Variants in SPATA12 observed in about 807,000 individuals in gnomAD.
SPATA12 encodes the protein spermatogenesis-associated protein 12.
For missense variants in SPATA12, 219 were observed against 226.4 expected, an observed-to-expected ratio of 0.97 and a Z score of 0.21; for synonymous variants, 85 against 89.2, an observed-to-expected ratio of 0.95 and a Z score of 0.26.
At chr3:57,062,554 A>G (rs1460605926) in intron 1 of SPATA12, among the ~76,000 whole-genome samples, 1 of 152,208 alleles carries the variant, frequency 6.6e-6, no homozygotes, top group African/African-American at 2.4e-5. Context: ...CTACAATAGC[A>G]AAAGATTGGA....
chr3:57,068,171 A>ACG (rs1163948548), intron 1 of SPATA12, among the ~76,000 whole-genome samples: 2 of 143,084 alleles, frequency 1.4e-5, no homozygotes, highest in Non-Finnish European at 3.2e-5. Context: ...ACACACATAC[A>ACG]CACACACACA....
chr3:57,067,669 T>C (rs1190864228), intron 1 of SPATA12, among the ~76,000 whole-genome samples: 3 of 149,850 alleles, frequency 2.0e-5, no homozygotes, highest in African/African-American at 7.4e-5. Flanking sequence ...ACCCAGTCTC[T>C]ACAAAAAATT....
chr3:57,066,371 C>T (rs1295407582), intron 1 of SPATA12, among the ~76,000 whole-genome samples: 1 of 152,142 alleles, frequency 6.6e-6, no homozygotes, highest in Non-Finnish European at 1.5e-5. Context: ...AAGCGATTCA[C>T]CTGCCTCAGC....
intron 1 of SPATA12, among the ~76,000 whole-genome samples, chr3:57,071,199 C>T (rs115672657): frequency 6.8e-4 from 104 of 152,182 alleles, no homozygotes; most frequent in Admixed American, 2.6e-3. Flanking sequence ...AGTGTCAAAA[C>T]AATTTAATGG....
chr3:57,073,929 A>C lies in SPATA12; in HGVS notation c.235A>C (p.Ser79Arg), dbSNP rs756539657. The change falls in exon 2 of 2, where the codon AGT becomes CGT. Residue 79 changes from serine (S) to arginine (R), a missense_variant. Coordinates refer to ENST00000334325, the MANE Select transcript of SPATA12 (RefSeq NM_181727.2). Reference sequence around the variant, plus strand: ...GACATTTCAGGGGGATGTGTGCCAAAGTGAGACCTGTCAGAGATATTTACA... The same window carrying C: ...GACATTTCAGGGGGATGTGTGCCAACGTGAGACCTGTCAGAGATATTTACA... ...ELTFQGDVCQSETCQRYLQAA... is the reference protein window; with the variant it reads ...ELTFQGDVCQRETCQRYLQAA... The C allele has an allele frequency of 2.9e-5, 47 of 1,614,076 alleles. No homozygotes were observed. Among genetic ancestry groups the C allele is most frequent in the Non-Finnish European group, 3.5e-5 (41 of 1,180,046 alleles).
chr3:57,072,483 G>A (rs1906503), intron 1 of SPATA12, among the ~76,000 whole-genome samples: 6,360 of 151,226 alleles, frequency 0.042, 432 homozygotes, highest in African/African-American at 0.14. Context: ...GCTCATGTCC[G>A]TAATCCCAGC....
chr3:57,064,982 T>C (rs1443527087), intron 1 of SPATA12, among the ~76,000 whole-genome samples: 1 of 152,230 alleles, frequency 6.6e-6, no homozygotes, highest in Admixed American at 6.5e-5. Flanking sequence ...GGCAAAAAAT[T>C]AGTAAGTCCA....
intron 1 of SPATA12, among the ~76,000 whole-genome samples, chr3:57,072,156 C>T (rs906707930): frequency 6.6e-6 from 1 of 152,150 alleles, no homozygotes; most frequent in East Asian, 1.9e-4. Context: ...CTGGAACCCT[C>T]GTGCACTGCT....
chr3:57,061,165 T>C (rs1579192872), intron 1 of SPATA12, among the ~76,000 whole-genome samples: 1 of 152,202 alleles, frequency 6.6e-6, no homozygotes, highest in East Asian at 1.9e-4. Flanking sequence ...CCCTACTGTA[T>C]TAATACTTCT....
intron 1 of SPATA12, among the ~76,000 whole-genome samples, chr3:57,065,072 G>A (rs1705447960): frequency 6.6e-6 from 1 of 152,190 alleles, no homozygotes. Flanking sequence ...GTGGAGAGAG[G>A]GTTCTGCTGT....
In SPATA12 at chr3:57,075,248, ACT is replaced by A. The variant is rs915811530; in HGVS notation, c.*985_*986del. On this transcript the variant is annotated 3_prime_UTR_variant, in exon 2 of 2. Transcript: ENST00000334325. ...CAGCTTCATCTCCATTACACTGGCC[ACT>A]CTCCCTCACATCTTATTACTGATCT... The A allele has an allele frequency of 6.1e-6, 1 of 162,856 alleles. No individual in the cohort carries two copies. Among genetic ancestry groups the A allele is most frequent in the African/African-American group, 2.5e-5 (1 of 39,998 alleles). 10.1% of individuals were successfully genotyped at this position (162,856 alleles called of 1,614,324 possible).
intron 1 of SPATA12, among the ~76,000 whole-genome samples, chr3:57,066,729 T>C (rs1174170795): frequency 6.6e-6 from 1 of 152,212 alleles, no homozygotes; most frequent in African/African-American, 2.4e-5. Context: ...TTTAAATCAG[T>C]GGACTTAGAG....
At chr3:57,068,780 A>G (rs1184035118) in intron 1 of SPATA12, among the ~76,000 whole-genome samples, 1 of 152,060 alleles carries the variant, frequency 6.6e-6, no homozygotes, top group South Asian at 2.1e-4. Flanking sequence ...GGGTTAGGTT[A>G]TATCATTGTG....
chr3:57,067,026 C>T (rs1410105402), intron 1 of SPATA12, among the ~76,000 whole-genome samples: 1 of 152,192 alleles, frequency 6.6e-6, no homozygotes, highest in East Asian at 1.9e-4. Context: ...AACCCTAATA[C>T]ACACCCAAAA....
intron 1 of SPATA12, among the ~76,000 whole-genome samples, chr3:57,069,410 C>CAT (rs1223132274): frequency 6.7e-6 from 1 of 148,922 alleles, no homozygotes; most frequent in East Asian, 1.9e-4. Flanking sequence ...CACACACACA[C>CAT]ATTGTTTGTT....
intron 1 of SPATA12, among the ~76,000 whole-genome samples, chr3:57,072,719 A>G: frequency 8.9e-6 from 1 of 112,052 alleles, no homozygotes; most frequent in Non-Finnish European, 1.8e-5. Flanking sequence ...ACAGAACGAG[A>G]CTCTGTCAAA....
intron 1 of SPATA12, among the ~76,000 whole-genome samples, chr3:57,063,629 G>A (rs1169887428): frequency 1.1e-4 from 17 of 152,184 alleles, no homozygotes; most frequent in African/African-American, 4.1e-4. Flanking sequence ...TGTGGGAAGA[G>A]GATCAGGAGA....
At chr3:57,061,791 T>A (rs1456662820) in intron 1 of SPATA12, among the ~76,000 whole-genome samples, 1 of 152,210 alleles carries the variant, frequency 6.6e-6, no homozygotes, top group Non-Finnish European at 1.5e-5. Flanking sequence ...GAATTTTTAT[T>A]AACTCATTTA....
At chr3:57,064,209 CA>C (rs1453338754) in intron 1 of SPATA12, among the ~76,000 whole-genome samples, 16 of 152,152 alleles carry the variant, frequency 1.1e-4, no homozygotes, top group Admixed American at 1.0e-3. Context: ...GTAGAGGTTG[CA>C]GTGAGCTGAG....
Sources: allele counts gnomAD v4.1 joint callset (sites outside exome capture counted in the v4.1 genomes callset), GRCh38; gene constraint gnomAD v4.1.1; transcripts MANE v1.5; gene names NCBI Gene and HGNC (gene_info 2026-07-23, HGNC 2026-07-21).